Variants in PSME3 observed in about 807,000 individuals in gnomAD.
PSME3 encodes proteasome activator complex subunit 3.
PSME3 carries 7 observed loss-of-function variants against 38.3 expected under a neutral mutation model. The observed-to-expected ratio is 0.18, with a 90% confidence interval of 0.10 to 0.34. The LOEUF is 0.34. PSME3 is among the 10% of genes least tolerant of loss of function. The pLI, the probability that PSME3 is intolerant of heterozygous loss-of-function variation, is 1.00. For missense variants in PSME3, 192 were observed against 307.6 expected (o/e 0.62, Z 2.81); for synonymous variants, 108 against 105.7 (o/e 1.02, Z -0.13).
chr17:42,834,134 C>T (rs776629628), intron 1 of PSME3: 1 of 1,473,430 alleles, frequency 6.8e-7, no homozygotes, highest in East Asian at 2.5e-5. Flanking sequence ...AGGGGGAGGA[C>T]AGAGGAGACA....
chr17:42,839,566 T>C (rs530285169), intron 10 of PSME3, among the ~76,000 whole-genome samples, 186 bp downstream of exon 10: 1 of 152,294 alleles, frequency 6.6e-6, no homozygotes, highest in East Asian at 1.9e-4. Context: ...TTTTTCTACC[T>C]GAGTGGAGGG....
intron 4 of PSME3, among the ~76,000 whole-genome samples, chr17:42,835,543 G>A (rs1267144842): frequency 3.9e-5 from 6 of 152,062 alleles, no homozygotes; most frequent in South Asian, 2.1e-4. Flanking sequence ...GGCTAACACC[G>A]TGAAACCCTG....
In PSME3 at chr17:42,839,020, T is replaced by G. The variant is rs376387190; in HGVS notation, c.542+8T>G. On this transcript the variant is annotated splice_region_variant and intron_variant, in intron 8 of 10. Transcript: ENST00000590720. Reference sequence around the variant, plus strand: ...TCTGGACCAGATTTCTAGGTAGGGCTGCTTGGGCTTGGCCGAGGCGTTGGG... The same window carrying G: ...TCTGGACCAGATTTCTAGGTAGGGCGGCTTGGGCTTGGCCGAGGCGTTGGG... The G allele has an allele frequency of 3.1e-6, 5 of 1,614,136 alleles. No homozygotes were observed. The highest frequency in any genetic ancestry group is 1.1e-5 in the South Asian group (1 of 91,082).
intron 6 of PSME3, 148 bp downstream of exon 6, chr17:42,838,353 G>A: frequency 7.1e-7 from 1 of 1,404,240 alleles, no homozygotes. Context: ...CATCACCCAG[G>A]TTGGAGTGCA....
At chr17:42,834,421 C>A in intron 2 of PSME3, 45 bp downstream of exon 2, 1 of 1,608,300 alleles carries the variant, frequency 6.2e-7, no homozygotes, top group South Asian at 1.1e-5. Flanking sequence ...GAGAATTTCC[C>A]AAAGAGGAGA....
chr17:42,833,836 G>A (rs1330223647), intron 1 of PSME3, 163 bp downstream of exon 1: 4 of 1,534,522 alleles, frequency 2.6e-6, no homozygotes, highest in Non-Finnish European at 3.5e-6. Flanking sequence ...TCGCGGGAGA[G>A]GAAAATATAG....
intron 8 of PSME3, 28 bp downstream of exon 8, chr17:42,839,040 G>T (rs369233513): frequency 1.2e-6 from 2 of 1,611,346 alleles, no homozygotes; most frequent in Non-Finnish European, 1.7e-6. Flanking sequence ...TGGCCGAGGC[G>T]TTGGGGGCTG....
chr17:42,838,822 T>C, intron 7 of PSME3, 23 bp downstream of exon 7: 1 of 1,579,476 alleles, frequency 6.3e-7, no homozygotes, highest in Non-Finnish European at 8.7e-7. Flanking sequence ...AATTACATAC[T>C]GGGAAGAGTG....
At position 42,833,558 on chromosome 17, in the gene PSME3, G is replaced by A; in HGVS notation, c.-74G>A. 3.1e-6 allele frequency: 5 copies of A among 1,593,440 alleles called. No individual in the cohort carries two copies. Among genetic ancestry groups the A allele is most frequent in the Non-Finnish European group, 4.3e-6 (5 of 1,162,930 alleles). The stretch of plus-strand genomic sequence containing the variant: ...TCCCGAGGTCAGCCGAGATTTCTCA[G>A]GTCCCTCCGGCCCCCTCCCTGGAGT... On this transcript the variant is annotated 5_prime_UTR_variant, in exon 1 of 11. Coordinates refer to ENST00000590720, the MANE Select transcript of PSME3 (RefSeq NM_005789.4).
At chr17:42,839,430 T>G in intron 10 of PSME3, 50 bp downstream of exon 10, 2 of 1,439,110 alleles carry the variant, frequency 1.4e-6, no homozygotes, top group Non-Finnish European at 2.0e-6. Flanking sequence ...CTCTTAGTTC[T>G]GTTGAGAGTA....
chr17:42,836,233 G>T (rs2055462106), intron 4 of PSME3, among the ~76,000 whole-genome samples: 1 of 152,020 alleles, frequency 6.6e-6, no homozygotes, highest in African/African-American at 2.4e-5. Context: ...TCGAACTCCT[G>T]ACCTCAGGTG....
chr17:42,834,312 A>G (rs1476427697), intron 1 of PSME3, 32 bp from the exon 2 acceptor site: 1 of 1,613,964 alleles, frequency 6.2e-7, no homozygotes, highest in Non-Finnish European at 8.5e-7. Flanking sequence ...CTCTGTCCCC[A>G]GGTACTGAAT....
Position 42,843,000 on chromosome 17 carries a change from C to T in PSME3, c.*1422C>T, listed in dbSNP as rs757934915. ...AGGGAGTCAGGATGCTGTCTTCCCA[C>T]GAATAGTACTCAGTAACAAACCAAT... On this transcript the variant is annotated 3_prime_UTR_variant, in exon 11 of 11. Transcript: ENST00000590720. The T allele has an allele frequency of 1.2e-4, 19 of 152,728 alleles. No individual in the cohort carries two copies. Among genetic ancestry groups the T allele is most frequent in the African/African-American group, 9.7e-5 (4 of 41,418 alleles). The allele number at this position is 152,728 out of a possible 1,614,324, so 9.5% of individuals were successfully genotyped here. A position where few individuals can be genotyped will look rare whatever the true frequency, so the allele number is the denominator to read the frequency against.
At chr17:42,838,845 C>G (rs748999776) in intron 7 of PSME3, 46 bp downstream of exon 7, 6 of 1,557,458 alleles carry the variant, frequency 3.9e-6, no homozygotes, top group Middle Eastern at 1.7e-4. Context: ...TTGGGAGATA[C>G]TCTCATCTCC....
intron 7 of PSME3, 62 bp from the exon 8 acceptor site, chr17:42,838,883 T>G (rs944840010): frequency 1.2e-6 from 2 of 1,601,734 alleles, no homozygotes; most frequent in African/African-American, 2.7e-5. Flanking sequence ...TCCTTTTTCT[T>G]TGGGGCTGCT....
intron 6 of PSME3, among the ~76,000 whole-genome samples, chr17:42,838,415 C>G (rs576738321): frequency 2.0e-5 from 3 of 152,118 alleles, no homozygotes; most frequent in African/African-American, 7.2e-5. Flanking sequence ...TCAAGTGATT[C>G]TCCTGCCTCA....
chr17:42,834,971 A>G (rs527482685), intron 4 of PSME3, 95 bp downstream of exon 4: 14 of 1,538,604 alleles, frequency 9.1e-6, no homozygotes, highest in Middle Eastern at 1.9e-4. Flanking sequence ...GAACAGTGGG[A>G]TTTGGATCTG....
At chr17:42,839,530 G>T in intron 10 of PSME3, 150 bp downstream of exon 10, 1 of 662,586 alleles carries the variant, frequency 1.5e-6, no homozygotes, top group Admixed American at 2.6e-5. Flanking sequence ...TGAGAACCAT[G>T]AAGTCATCTA....
rs890671501 is a variant in PSME3 at position 42,838,180 on chromosome 17, G to A, written c.380G>A (p.Arg127Gln). ...DIIEKVKPEI[R>Q]LLIEKCNTVK... ...ATTGAGAAAGTGAAACCTGAGATCC[G>A]GCTGTTGATTGAGAAATGTAACACG... Residue 127 changes from arginine to glutamine, a missense_variant, in exon 6 of 11, where the codon CGG becomes CAG. Transcript: ENST00000590720. 3 of 1,614,088 alleles carry A rather than the reference G, an allele frequency of 1.9e-6. No individual in the cohort carries two copies. The highest frequency in any genetic ancestry group is 2.5e-6 in the Non-Finnish European group (3 of 1,180,034).
Sources: gnomAD v4.1 joint callset for allele counts (sites outside exome capture counted in the v4.1 genomes callset) on GRCh38, gnomAD v4.1.1 for gene constraint, MANE v1.5 for transcripts, NCBI Gene and HGNC (gene_info 2026-07-23, HGNC 2026-07-21) for gene names.